SECISBP2: variants seen among roughly 807,000 people sequenced by gnomAD.
SECISBP2 encodes the protein SECIS binding protein 2, also known as selenocysteine insertion sequence-binding protein 2.
A neutral mutation model predicts 98.2 loss-of-function variants in SECISBP2; 96 were observed. That is an observed-to-expected ratio of 0.98 (90% CI 0.83 to 1.16). The LOEUF (loss-of-function observed/expected upper bound fraction) is 1.16. Among genes scored for constraint, SECISBP2 ranks in the 50% most tolerant of loss-of-function variants. The pLI is 0.00. For missense variants in SECISBP2, 1,046 were observed against 1,022.9 expected (o/e 1.02, Z -0.31); for synonymous variants, 407 against 370.2 (o/e 1.10, Z -1.14).
Position 89,350,928 on chromosome 9 carries a change from C to G in SECISBP2, c.2113+76C>G, listed in dbSNP as rs1831190230. 6.6e-6 allele frequency: 8 copies of G among 1,204,730 alleles called. No individual in the cohort carries two copies. The East Asian group carries it at 1.9e-4, about 29-fold the overall frequency. 74.6% of individuals were successfully genotyped at this position (1,204,730 alleles called of 1,614,324 possible). A position where few individuals can be genotyped will look rare whatever the true frequency, so the allele number is the denominator to read the frequency against. On this transcript the variant is annotated intron_variant, in intron 14 of 16. Transcript: ENST00000375807. ...AGTGTGCCCTCGTGTTTGCCACACA[C>G]CTCAGCGGCCCATGCCACAGGTCTT...
chr9:89,358,834 C>A lies in SECISBP2; in HGVS notation c.*10C>A. 6.4e-7 allele frequency: 1 copy of A among 1,573,920 alleles called. No homozygotes were observed. Among genetic ancestry groups the A allele is most frequent in the Non-Finnish European group, 8.7e-7 (1 of 1,143,978 alleles). The stretch of plus-strand genomic sequence containing the variant: ...GAATTTGAATTTATGAGAGTTCTTG[C>A]CTGTGTGTCTGTATTTTGGGTAAGG... On this transcript the variant is annotated 3_prime_UTR_variant, in exon 17 of 17. Coordinates refer to ENST00000375807, the MANE Select transcript of SECISBP2 (RefSeq NM_024077.5).
intron 14 of SECISBP2, chr9:89,355,638 G>C: frequency 1.2e-6 from 1 of 856,918 alleles, no homozygotes; most frequent in South Asian, 5.4e-5. Flanking sequence ...TTATATATTG[G>C]TATTTCATTT....
rs1363649229 is a variant in SECISBP2, at chr9:89,318,513, C to T, written c.-64C>T. On this transcript the variant is annotated 5_prime_UTR_variant, in exon 1 of 17. Transcript: ENST00000375807. ...GCCTGCGGGGGCGGAAACGCTTTGT[C>T]TGTCCGGCAAGCCGACGGCCCGCTG... 16 of 1,492,448 alleles carry T rather than the reference C, an allele frequency of 1.1e-5. No homozygotes were observed. The highest frequency in any genetic ancestry group is 1.3e-5 in the Non-Finnish European group (15 of 1,116,654). 92.5% of individuals were successfully genotyped at this position (1,492,448 alleles called of 1,614,324 possible).
chr9:89,322,343 C>T (rs1825951929), intron 2 of SECISBP2: 1 of 152,252 alleles, frequency 6.6e-6, no homozygotes, highest in South Asian at 2.1e-4. Flanking sequence ...TGTCCATTGT[C>T]ATGTTACATC....
intron 2 of SECISBP2, chr9:89,322,643 C>T (rs75474929): frequency 3.9e-5 from 6 of 152,166 alleles, no homozygotes; most frequent in African/African-American, 1.4e-4. Context: ...ATTTTAGTAC[C>T]AATTGATGCT....
rs970643926 is a variant in SECISBP2 at position 89,318,560 on chromosome 9, C to T, written c.-17C>T. On this transcript the variant is annotated 5_prime_UTR_variant, in exon 1 of 17. Transcript: ENST00000375807. ...GCTGCTGGCCTCCGTGACGCGGCCT[C>T]CTCCGCGCCTCGCGGCATGGCGTCG... 52 of 1,505,944 alleles carry T rather than the reference C, an allele frequency of 3.5e-5. No homozygotes were observed. In the Admixed American group the frequency reaches 1.0e-3, roughly 29 times the overall value. The allele number at this position is 1,505,944 out of a possible 1,614,324, so 93.3% of individuals were successfully genotyped here.
chr9:89,353,699 G>A (rs1831635872), intron 14 of SECISBP2, among the ~76,000 whole-genome samples: 2 of 152,130 alleles, frequency 1.3e-5, no homozygotes, highest in South Asian at 2.1e-4. Context: ...ACATTCTTCC[G>A]TGGATTTGTG....
chr9:89,322,406 G>C (rs1825961816), intron 2 of SECISBP2: 1 of 152,220 alleles, frequency 6.6e-6, no homozygotes, highest in Admixed American at 6.5e-5. Flanking sequence ...CCTTTTGTTT[G>C]GGTATTATTG....
chr9:89,334,794 G>T, intron 7 of SECISBP2, 64 bp downstream of exon 7: 2 of 1,224,128 alleles, frequency 1.6e-6, no homozygotes, highest in Non-Finnish European at 2.4e-6. Context: ...AGTGGGGAAT[G>T]AGAAGTTATT....
At position 89,319,640 on chromosome 9, in the gene SECISBP2, A is replaced by T. The variant is rs41306445; in HGVS notation, c.37-12A>T. The T allele has an allele frequency of 8.1e-6, 13 of 1,613,526 alleles. No homozygotes were observed. In the Admixed American group the frequency reaches 2.0e-4, roughly 25 times the overall value. ...TGAATGTTTGTGGCCAAAACCTCAT[A>T]TTTTTCCTCAGGGCATCAAGTTATC... On this transcript the variant is annotated splice_polypyrimidine_tract_variant and intron_variant, in intron 1 of 16. Coordinates refer to ENST00000375807, the MANE Select transcript of SECISBP2 (RefSeq NM_024077.5).
chr9:89,362,152 A>T, downstream of SECISBP2: 1 of 600,034 alleles, frequency 1.7e-6, no homozygotes, highest in Non-Finnish European at 3.0e-6. Flanking sequence ...TGCCAGACAG[A>T]ACTTACTGTC....
At chr9:89,325,352 G>A (rs1362537761) in intron 2 of SECISBP2, 75 bp from the exon 3 acceptor site, 2 of 1,359,068 alleles carry the variant, frequency 1.5e-6, no homozygotes, top group African/African-American at 1.4e-5. Flanking sequence ...TGTTCAGTTT[G>A]AATTAGTTTA....
At chr9:89,332,605 G>T in intron 5 of SECISBP2, 1 of 405,574 alleles carries the variant, frequency 2.5e-6, no homozygotes, top group Non-Finnish European at 4.5e-6. Context: ...CCAAGTTGTG[G>T]CAGTTATGAG....
intron 12 of SECISBP2, 38 bp from the exon 13 acceptor site, chr9:89,349,738 C>T (rs759989663): frequency 1.9e-6 from 3 of 1,613,162 alleles, no homozygotes; most frequent in Non-Finnish European, 2.5e-6. Context: ...TGCACTGGGC[C>T]TCACAGATAT....
downstream of SECISBP2, among the ~76,000 whole-genome samples, chr9:89,360,426 T>A (rs1041682937): frequency 2.6e-5 from 4 of 152,252 alleles, no homozygotes; most frequent in African/African-American, 9.6e-5. Flanking sequence ...GCAGCTAGAA[T>A]TTTAAAATTT....
chr9:89,357,903 C>A, intron 15 of SECISBP2, 96 bp from the exon 16 acceptor site: 2 of 1,316,308 alleles, frequency 1.5e-6, no homozygotes, highest in Non-Finnish European at 2.2e-6. Context: ...CCCCATGTCA[C>A]CCCTGCTTCT....
At chr9:89,362,467 G>A (rs540373999), downstream of SECISBP2, 5 of 1,613,984 alleles carry the variant, frequency 3.1e-6, no homozygotes, top group African/African-American at 2.7e-5. Context: ...TTGGTGGAAC[G>A]GATGGGCCTT....
In SECISBP2 at chr9:89,332,957, C is replaced by G. The variant is rs1828001556; in HGVS notation, c.851C>G (p.Ala284Gly). ...NNPNESVTAN[A>G]ATNSPSCTRE... ...CCAAATGAATCTGTAACTGCTAATG[C>G]CGCTACCAATTCTCCTTCATGTACA... Residue 284 changes from alanine (A) to glycine (G), a missense_variant, in exon 6 of 17, where the codon GCC becomes GGC. Coordinates refer to ENST00000375807, the MANE Select transcript of SECISBP2 (RefSeq NM_024077.5). 3.1e-6 allele frequency: 5 copies of G among 1,613,822 alleles called. No individual in the cohort carries two copies. In the South Asian group the frequency reaches 4.4e-5, roughly 14 times the overall value.
At chr9:89,332,739 G>T in intron 5 of SECISBP2, 169 bp from the exon 6 acceptor site, 2 of 647,448 alleles carry the variant, frequency 3.1e-6, no homozygotes, top group South Asian at 1.8e-5. Flanking sequence ...GTTTTGTAAG[G>T]AATTGCTAAA....
Sources: allele counts gnomAD v4.1 joint callset (sites outside exome capture counted in the v4.1 genomes callset), GRCh38; gene constraint gnomAD v4.1.1; transcripts MANE v1.5; gene names NCBI Gene and HGNC (gene_info 2026-07-23, HGNC 2026-07-21).